The following MYO3B variants were observed in gnomAD, a reference collection of about 807,000 sequenced individuals.
MYO3B encodes myosin IIIB.
Under a neutral mutation model 174.6 loss-of-function variants are expected in MYO3B, and 156 were observed. That is an observed-to-expected ratio of 0.89 (90% CI 0.78 to 1.02). The LOEUF is 1.02. Among genes scored for constraint, MYO3B ranks in the 50% least tolerant of loss-of-function variants. The pLI is 0.00. For missense variants in MYO3B, 1,632 were observed against 1,639.4 expected (o/e 1.00, Z 0.08); for synonymous variants, 563 against 569.1 (o/e 0.99, Z 0.15).
In MYO3B at chr2:170,498,666, A is replaced by G. The variant is rs200458841; in HGVS notation, c.3089A>G (p.Lys1030Arg). The G allele has an allele frequency of 2.9e-4, 476 of 1,613,846 alleles. No homozygotes were observed. The highest frequency in any genetic ancestry group is 3.9e-4 in the Non-Finnish European group (459 of 1,179,848). ...SKESCVAILE[K>R]SRLDHWVLGK... ...GAGAGCTGTGTGGCTATCTTGGAAAAGTCCAGATTAGATCACTGGGTACTG... is the reference window on the plus strand; with the variant it reads ...GAGAGCTGTGTGGCTATCTTGGAAAGGTCCAGATTAGATCACTGGGTACTG... The change falls in exon 26 of 35, where the codon AAG becomes AGG. Residue 1030 changes from lysine (K) to arginine (R), a missense_variant. By Grantham distance (26) the Lys-to-Arg change is conservative (BLOSUM62 2). Transcript: ENST00000408978.
At chr2:170,284,955 A>T (rs1274933758) in intron 7 of MYO3B, among the ~76,000 whole-genome samples, 3 of 152,236 alleles carry the variant, frequency 2.0e-5, no homozygotes, top group African/African-American at 7.2e-5. Flanking sequence ...AAACTGTCTC[A>T]TACTGTACAT....
intron 32 of MYO3B, among the ~76,000 whole-genome samples, chr2:170,566,537 G>C (rs1692089746): frequency 6.6e-6 from 1 of 152,112 alleles, no homozygotes; most frequent in South Asian, 2.1e-4. Flanking sequence ...AAATATTACT[G>C]ATCTTATAGA....
chr2:170,420,293 G>A (rs731951), intron 22 of MYO3B, among the ~76,000 whole-genome samples: 104,519 of 152,050 alleles, frequency 0.69, 36,348 homozygotes, highest in Middle Eastern at 0.82. Context: ...CTATGAAATG[G>A]GACTATGCTA....
At chr2:170,607,666 G>A (rs962696892) in intron 32 of MYO3B, among the ~76,000 whole-genome samples, 2 of 152,172 alleles carry the variant, frequency 1.3e-5, no homozygotes, top group Non-Finnish European at 2.9e-5. Context: ...AGCAGCTACT[G>A]TTTTCACCTG....
chr2:170,328,850 T>C (rs1345980813), intron 7 of MYO3B, among the ~76,000 whole-genome samples: 7 of 152,132 alleles, frequency 4.6e-5, no homozygotes, highest in Non-Finnish European at 1.5e-5. Context: ...GGGATTATAC[T>C]CTCAACTATA....
At chr2:170,247,940 C>G (rs1437758251) in intron 7 of MYO3B, among the ~76,000 whole-genome samples, 1 of 152,152 alleles carries the variant, frequency 6.6e-6, no homozygotes, top group Non-Finnish European at 1.5e-5. Flanking sequence ...GGGGAGTCCC[C>G]TCCTGAACCC....
intron 30 of MYO3B, among the ~76,000 whole-genome samples, chr2:170,530,809 A>G (rs1689307516): frequency 6.6e-6 from 1 of 152,182 alleles, no homozygotes; most frequent in Non-Finnish European, 1.5e-5. Flanking sequence ...GAAACTTCAT[A>G]TTAAAAGTGG....
At chr2:170,400,354 C>G in intron 17 of MYO3B, 40 bp downstream of exon 17, 1 of 1,609,074 alleles carries the variant, frequency 6.2e-7, no homozygotes, top group Non-Finnish European at 8.5e-7. Context: ...GTTGCCAAAG[C>G]ACGTGCTTCT....
chr2:170,649,478 G>A (rs1363159889), intron 32 of MYO3B, among the ~76,000 whole-genome samples: 18 of 124,744 alleles, frequency 1.4e-4, no homozygotes, highest in East Asian at 7.1e-4. Flanking sequence ...TTTTTTCATC[G>A]AACTTACTTT....
chr2:170,480,517 G>T (rs570447374), intron 25 of MYO3B, among the ~76,000 whole-genome samples: 5 of 152,188 alleles, frequency 3.3e-5, no homozygotes, highest in Non-Finnish European at 7.3e-5. Flanking sequence ...GTTTCCCTGA[G>T]TTCTAAGAGC....
intron 25 of MYO3B, among the ~76,000 whole-genome samples, chr2:170,477,150 A>G (rs1182209128): frequency 6.6e-6 from 1 of 152,102 alleles, no homozygotes; most frequent in Non-Finnish European, 1.5e-5. Context: ...CATAGCCTAG[A>G]CTGCTGTCAG....
intron 32 of MYO3B, chr2:170,640,877 TA>T (rs1030433328): frequency 1.2e-4 from 18 of 150,710 alleles, no homozygotes; most frequent in African/African-American, 4.4e-4. Flanking sequence ...GTTCCAGTTT[TA>T]AAGACATGTA....
chr2:170,426,751 A>T (rs2094665787), intron 22 of MYO3B, among the ~76,000 whole-genome samples: 1 of 152,004 alleles, frequency 6.6e-6, no homozygotes, highest in African/African-American at 2.4e-5. Flanking sequence ...CAGGCGTGGC[A>T]GCTCACACCT....
intron 7 of MYO3B, among the ~76,000 whole-genome samples, chr2:170,280,448 C>T (rs190371824): frequency 1.7e-4 from 26 of 152,152 alleles, no homozygotes; most frequent in African/African-American, 3.9e-4. Flanking sequence ...TTTTGCCGTG[C>T]GGAAGCTCTT....
chr2:170,241,372 A>G (rs1359562654), intron 7 of MYO3B, among the ~76,000 whole-genome samples: 2 of 152,214 alleles, frequency 1.3e-5, no homozygotes, highest in African/African-American at 4.8e-5. Flanking sequence ...TACTTATGGA[A>G]AAAGAAAATG....
intron 32 of MYO3B, among the ~76,000 whole-genome samples, chr2:170,561,173 G>A (rs1691686734): frequency 6.6e-6 from 1 of 152,094 alleles, no homozygotes; most frequent in East Asian, 1.9e-4. Flanking sequence ...TTAACACTGG[G>A]AGGGCACTGG....
intron 7 of MYO3B, among the ~76,000 whole-genome samples, chr2:170,330,179 CT>C (rs2093902034): frequency 1.3e-5 from 2 of 152,188 alleles, no homozygotes; most frequent in Non-Finnish European, 2.9e-5. Flanking sequence ...GGAAGCCCTT[CT>C]TAATTAACTG....
At chr2:170,591,037 C>T (rs1252961806) in intron 32 of MYO3B, among the ~76,000 whole-genome samples, 8 of 152,168 alleles carry the variant, frequency 5.3e-5, no homozygotes, top group South Asian at 2.1e-4. Context: ...TTGCTCTCAA[C>T]GTTTAAAAGT....
At chr2:170,439,902 G>A (rs574416404) in intron 22 of MYO3B, among the ~76,000 whole-genome samples, 231 of 152,176 alleles carry the variant, frequency 1.5e-3, no homozygotes, top group African/African-American at 5.0e-3. Context: ...GGATGGTCTC[G>A]ATCTCCTGAC....
Sources: gnomAD v4.1 joint callset for allele counts (sites outside exome capture counted in the v4.1 genomes callset) on GRCh38, gnomAD v4.1.1 for gene constraint, MANE v1.5 for transcripts, NCBI Gene and HGNC (gene_info 2026-07-23, HGNC 2026-07-21) for gene names.